Variants in STX8 observed in about 807,000 individuals in gnomAD.
STX8 encodes syntaxin 8.
A neutral mutation model predicts 37.5 loss-of-function variants in STX8; 23 were observed. The observed-to-expected ratio is 0.61, with a 90% CI of 0.44 to 0.87. The LOEUF (loss-of-function observed/expected upper bound fraction) is 0.87. Among genes scored for constraint, STX8 ranks in the 40% least tolerant of loss-of-function variants. The probability of loss-of-function intolerance (pLI) is 0.00; values close to 1 mark genes in which losing one functional copy is unlikely to be tolerated. For synonymous variants in STX8, 115 were observed against 99.1 expected (o/e 1.16, Z -0.95); for missense variants, 313 against 284.7 (o/e 1.10, Z -0.71).
intron 5 of STX8, among the ~76,000 whole-genome samples, chr17:9,500,428 G>T (rs1904568928): frequency 1.3e-5 from 2 of 152,164 alleles, no homozygotes; most frequent in Admixed American, 6.5e-5. Context: ...CCATGGTGTG[G>T]GGATGGGAGA....
intron 7 of STX8, among the ~76,000 whole-genome samples, chr17:9,351,675 T>A (rs187535264): frequency 2.0e-5 from 3 of 152,288 alleles, no homozygotes; most frequent in African/African-American, 7.2e-5. Flanking sequence ...TATTTAGTTG[T>A]CATATTTCTT....
At position 9,271,765 on chromosome 17, in the gene STX8, A is replaced by G. The variant is rs533251085; in HGVS notation, c.644-21120T>C. 3.5e-3 allele frequency among the ~76,000 whole-genome samples: 526 copies of G among 151,104 alleles called. 1 individual carries two copies. Among genetic ancestry groups the G allele is most frequent in the Non-Finnish European group, 5.7e-3 (384 of 67,752 alleles). On this transcript the variant is annotated intron_variant, in intron 7 of 7. Transcript: ENST00000306357. ...CTCCATCTCAAAAAAAAAAAAAAAA[A>G]AAAGAAAGAAAGAAATTCAACTTCA...
intron 4 of STX8, among the ~76,000 whole-genome samples, chr17:9,541,561 C>T (rs974386523): frequency 5.3e-5 from 8 of 152,324 alleles, no homozygotes; most frequent in African/African-American, 1.9e-4. Context: ...ATGGGCAGCA[C>T]ATGTATCCCC....
chr17:9,265,164 C>T (rs1334706886), intron 7 of STX8, among the ~76,000 whole-genome samples: 1 of 150,848 alleles, frequency 6.6e-6, no homozygotes. Flanking sequence ...TCCCAAATTC[C>T]AAACTTTTCT....
chr17:9,408,571 A>T lies in STX8; in HGVS notation c.542-29918T>A, dbSNP rs535699977. On this transcript the variant is annotated intron_variant, in intron 6 of 7. Transcript: ENST00000306357. ...TCTGGACCTAAGAGCTGAGAAGCCA[A>T]ACCTTGGAAGTAATGATGCTTGGAT... 3.3e-5 allele frequency among the ~76,000 whole-genome samples: 5 copies of T among 152,316 alleles called. No individual in the cohort carries two copies. In the East Asian group the frequency reaches 5.8e-4, roughly 18 times the overall value.
chr17:9,396,972 G>T (rs1912426597), intron 6 of STX8, among the ~76,000 whole-genome samples: 1 of 152,232 alleles, frequency 6.6e-6, no homozygotes, highest in African/African-American at 2.4e-5. Flanking sequence ...CTTTGGAAAT[G>T]AGTGGCATCT....
chr17:9,386,891 CAG>C (rs1205944047), intron 6 of STX8, among the ~76,000 whole-genome samples: 1 of 152,020 alleles, frequency 6.6e-6, no homozygotes, highest in East Asian at 1.9e-4. Flanking sequence ...TTTTTTGAGA[CAG>C]AGTTTCACTC....
chr17:9,509,557 G>C (rs1904957069), intron 4 of STX8, among the ~76,000 whole-genome samples: 1 of 152,082 alleles, frequency 6.6e-6, no homozygotes, highest in Non-Finnish European at 1.5e-5. Flanking sequence ...TATTACATCT[G>C]GAAGTGAAAA....
chr17:9,445,820 A>G (rs190846201), intron 6 of STX8, among the ~76,000 whole-genome samples: 90 of 149,710 alleles, frequency 6.0e-4, no homozygotes, highest in Non-Finnish European at 1.0e-3. Flanking sequence ...TAAAGAATAT[A>G]CATTTTTTTC....
At position 9,442,093 on chromosome 17, in the gene STX8, G is replaced by A. The variant is rs534332558; in HGVS notation, c.541+49736C>T. ...CACACCTAAGCTGAGAGCACCCCAC[G>A]TGTCTTCGAACTCAGTGTCTTCTCA... is the stretch of plus-strand genomic sequence containing the variant. On this transcript the variant is annotated intron_variant, in intron 6 of 7. Transcript: ENST00000306357. Among the ~76,000 whole-genome samples, 7 of 152,238 alleles carry A rather than the reference G, an allele frequency of 4.6e-5. No individual in the cohort carries two copies. In the South Asian group the frequency reaches 1.5e-3, roughly 32 times the overall value.
intron 7 of STX8, among the ~76,000 whole-genome samples, chr17:9,332,718 C>G (rs570273404): frequency 6.6e-6 from 1 of 152,174 alleles, no homozygotes; most frequent in Non-Finnish European, 1.5e-5. Flanking sequence ...TTCTGGCTGT[C>G]TAGACTGTAA....
rs904198129 is a variant in STX8 at position 9,360,455 on chromosome 17, C to T, written c.643+18097G>A. Among the ~76,000 whole-genome samples the T allele has an allele frequency of 4.0e-5, 6 of 151,612 alleles. No homozygotes were observed. In the East Asian group the frequency reaches 1.2e-3, roughly 30 times the overall value. On this transcript the variant is annotated intron_variant, in intron 7 of 7. Transcript: ENST00000306357. ...TTCACCATGTTGGCCAGGCTGGTCT[C>T]GAACTCCTGACCTCAGGTGATCTGC...
chr17:9,479,258 G>A (rs1458279748), intron 6 of STX8, among the ~76,000 whole-genome samples: 1 of 152,118 alleles, frequency 6.6e-6, no homozygotes, highest in African/African-American at 2.4e-5. Flanking sequence ...TATAGGCCAG[G>A]CGCGGTGGCT....
rs114615945 is a variant in STX8, at chr17:9,283,915, A to C, written c.644-33270T>G. On this transcript the variant is annotated intron_variant, in intron 7 of 7. Coordinates refer to ENST00000306357, the MANE Select transcript of STX8 (RefSeq NM_004853.3). ...AGAAAGCCAGCAATTACAGTACTGG[A>C]AAAGGCTGTTTTACTGTGGTGTATT... Among the ~76,000 whole-genome samples, 1,078 of 152,332 alleles carry C rather than the reference A, an allele frequency of 7.1e-3. 14 individuals carry two copies. The highest frequency in any genetic ancestry group is 0.024 in the African/African-American group (1,007 of 41,578).
intron 7 of STX8, among the ~76,000 whole-genome samples, chr17:9,281,207 G>A (rs1291911593): frequency 1.3e-5 from 2 of 152,208 alleles, no homozygotes; most frequent in African/African-American, 4.8e-5. Flanking sequence ...TCCAGAAGAT[G>A]ACAGAGGCTG....
chr17:9,518,824 G>C (rs1242623965), intron 4 of STX8, among the ~76,000 whole-genome samples: 1 of 150,672 alleles, frequency 6.6e-6, no homozygotes, highest in Non-Finnish European at 1.5e-5. Context: ...AGCCGAGATC[G>C]TGCCACTGCA....
chr17:9,484,960 G>A (rs1459702329), intron 6 of STX8, among the ~76,000 whole-genome samples: 1 of 152,292 alleles, frequency 6.6e-6, no homozygotes, highest in South Asian at 2.1e-4. Context: ...AACTAGTGTG[G>A]ACTTTATCAG....
chr17:9,327,078 A>C (rs936143257), intron 7 of STX8, among the ~76,000 whole-genome samples: 1 of 151,466 alleles, frequency 6.6e-6, no homozygotes, highest in African/African-American at 2.4e-5. Flanking sequence ...AATCGCTTGA[A>C]CCTGGGAGGC....
At chr17:9,314,173 T>TG (rs2142195239) in intron 7 of STX8, among the ~76,000 whole-genome samples, 1 of 150,762 alleles carries the variant, frequency 6.6e-6, no homozygotes, top group East Asian at 1.9e-4. Flanking sequence ...GTTTGATGAA[T>TG]GAAAGATGAA....
Sources: allele counts gnomAD v4.1 joint callset (sites outside exome capture counted in the v4.1 genomes callset), GRCh38; gene constraint gnomAD v4.1.1; transcripts MANE v1.5; gene names NCBI Gene and HGNC (gene_info 2026-07-23, HGNC 2026-07-21).